The following ATP7A variants were observed in gnomAD, a reference collection of about 807,000 sequenced individuals.
The protein encoded by ATP7A is copper-transporting ATPase 1.
ATP7A carries 7 observed loss-of-function variants against 83.5 expected under a neutral mutation model. The observed-to-expected ratio is 0.08, with a 90% confidence interval of 0.05 to 0.16. The LOEUF is 0.16. Among genes scored for constraint, ATP7A ranks in the 10% least tolerant of loss-of-function variants. The pLI, the probability that ATP7A is intolerant of heterozygous loss-of-function variation, is 1.00. For synonymous variants in ATP7A, 354 were observed against 395.2 expected, an observed-to-expected ratio of 0.90 and a Z score of 1.24; for missense variants, 940 against 1,120.8, an observed-to-expected ratio of 0.84 and a Z score of 2.30.
At chrX:77,956,662 T>A (rs2077442248) in intron 1 of ATP7A, among the ~76,000 whole-genome samples, 1 of 111,842 alleles carries the variant, frequency 8.9e-6, no homozygotes. Context: ...ACTGACACCA[T>A]ACTTGTACAG....
chrX:77,995,567 CAAA>C (rs1232051931), intron 4 of ATP7A, among the ~76,000 whole-genome samples: 1 of 35,019 alleles, frequency 2.9e-5, no homozygotes, highest in African/African-American at 1.2e-4. Flanking sequence ...GACTCCATCT[CAAA>C]AAAAAAAAAA....
At chrX:77,996,996 T>C (rs1386022351) in intron 4 of ATP7A, among the ~76,000 whole-genome samples, 2 of 111,311 alleles carry the variant, frequency 1.8e-5, no homozygotes, top group Admixed American at 1.9e-4. Flanking sequence ...TAAATAAAGT[T>C]CTCACAATCT....
intron 2 of ATP7A, among the ~76,000 whole-genome samples, chrX:77,985,704 T>A (rs1469336985): frequency 1.8e-5 from 2 of 111,165 alleles, no homozygotes; most frequent in African/African-American, 3.3e-5. Flanking sequence ...GGGTATATAG[T>A]TCTATGAAAT....
intron 15 of ATP7A, among the ~76,000 whole-genome samples, chrX:78,030,378 C>T (rs1265954077): frequency 1.9e-5 from 2 of 107,962 alleles, no homozygotes; most frequent in Non-Finnish European, 3.8e-5. Context: ...GCTGGGATCG[C>T]GCCACTGCAC....
intron 7 of ATP7A, among the ~76,000 whole-genome samples, chrX:78,009,715 T>C (rs1175824212): frequency 8.9e-6 from 1 of 112,049 alleles, no homozygotes; most frequent in African/African-American, 3.2e-5. Context: ...CTCAGCATTT[T>C]GAGAGGCCTA....
At chrX:77,921,587 C>T (rs1569548710) in intron 1 of ATP7A, among the ~76,000 whole-genome samples, 1 of 112,034 alleles carries the variant, frequency 8.9e-6, no homozygotes, top group African/African-American at 3.2e-5. Flanking sequence ...CATCAGGTTG[C>T]TGTGAACATT....
chrX:78,011,387 G>C, intron 8 of ATP7A, 62 bp from the exon 9 acceptor site: 1 of 1,078,440 alleles, frequency 9.3e-7, no homozygotes, highest in Non-Finnish European at 1.3e-6. Flanking sequence ...GTAGTATGTA[G>C]AATCTTTACC....
At chrX:78,011,858 C>G (rs1219696969) in intron 9 of ATP7A, 184 bp downstream of exon 9, 8 of 519,484 alleles carry the variant, frequency 1.5e-5, no homozygotes, top group Non-Finnish European at 2.7e-5. Context: ...GCCATTTAAC[C>G]CCTAAGAAAG....
chrX:78,007,284 A>T, intron 6 of ATP7A, among the ~76,000 whole-genome samples: 1 of 110,961 alleles, frequency 9.0e-6, no homozygotes, highest in East Asian at 2.8e-4. Context: ...TCTTGTGCTT[A>T]TTGGCCTTTC....
intron 2 of ATP7A, among the ~76,000 whole-genome samples, chrX:77,976,387 A>G (rs907180415): frequency 8.9e-6 from 1 of 112,338 alleles, no homozygotes; most frequent in Non-Finnish European, 1.9e-5. Context: ...CTTTAGTGAA[A>G]TACAGAATTT....
intron 20 of ATP7A, 64 bp downstream of exon 20, chrX:78,042,852 A>T (rs1309535547): frequency 1.6e-5 from 17 of 1,080,118 alleles, no homozygotes; most frequent in Non-Finnish European, 2.2e-5. Context: ...TGATAATGTC[A>T]TAAAGTATAT....
Position 78,049,486 on chromosome X carries a change from T to C in ATP7A, c.*2916T>C, listed in dbSNP as rs1249527208. On this transcript the variant is annotated 3_prime_UTR_variant, in exon 23 of 23. Coordinates refer to ENST00000341514, the MANE Select transcript of ATP7A (RefSeq NM_000052.7). The stretch of plus-strand genomic sequence containing the variant: ...GGTTCAGACTCACCTATGTGGCACC[T>C]TAAACTTAAATATCCAAAGATGCCT... 2 of 112,617 alleles carry C rather than the reference T, an allele frequency of 1.8e-5. No individual in the cohort carries two copies. The highest frequency in any genetic ancestry group is 3.8e-5 in the Non-Finnish European group (2 of 53,231). The allele number at this position is 112,617 out of a possible 1,213,427, so 9.3% of individuals were successfully genotyped here.
chrX:78,012,768 T>C (rs782247661), intron 9 of ATP7A, 111 bp from the exon 10 acceptor site: 1 of 668,485 alleles, frequency 1.5e-6, no homozygotes, highest in Non-Finnish European at 2.4e-6. Flanking sequence ...TTAGTGTTTA[T>C]GGATTAGCTA....
At chrX:77,969,012 G>A in intron 1 of ATP7A, 1 of 1,211,416 alleles carries the variant, frequency 8.3e-7, no homozygotes. Flanking sequence ...CAGTCGGCAG[G>A]TTCAGCTCCA....
Position 78,047,174 on chromosome X carries a change from GTCT to G in ATP7A, c.*609_*611del, listed in dbSNP as rs1465335202. ...GGTGCTTTTTTAGATGCTCCAATATGTCTTCTTTTGTTATTTTCTTTCGAGCTA... is the reference window on the plus strand; with the variant it reads ...GGTGCTTTTTTAGATGCTCCAATATGTCTTTTGTTATTTTCTTTCGAGCTA... On this transcript the variant is annotated 3_prime_UTR_variant, in exon 23 of 23. Coordinates refer to ENST00000341514, the MANE Select transcript of ATP7A (RefSeq NM_000052.7). 8.9e-6 allele frequency: 1 copy of G among 111,993 alleles called. No individual in the cohort carries two copies. Among genetic ancestry groups the G allele is most frequent in the African/African-American group, 3.3e-5 (1 of 30,684 alleles). The allele number at this position is 111,993 out of a possible 1,213,427, so 9.2% of individuals were successfully genotyped here. A position where few individuals can be genotyped will look rare whatever the true frequency, so the allele number is the denominator to read the frequency against.
At chrX:77,944,034 T>G (rs782727025) in intron 1 of ATP7A, among the ~76,000 whole-genome samples, 1 of 112,379 alleles carries the variant, frequency 8.9e-6, no homozygotes, top group Non-Finnish European at 1.9e-5. Context: ...TGATTTACAC[T>G]TCATTAACAG....
chrX:78,006,049 C>T lies in ATP7A; in HGVS notation c.1707+2813C>T, dbSNP rs191038585. ...ACATGAAAAGATGTTCAACTTCATT[C>T]GTAATGAGTAAAGCAAATTAAAATG... On this transcript the variant is annotated intron_variant, in intron 6 of 22. Coordinates refer to ENST00000341514, the MANE Select transcript of ATP7A (RefSeq NM_000052.7). Among the ~76,000 whole-genome samples the T allele has an allele frequency of 4.0e-3, 449 of 111,892 alleles. 2 individuals are homozygous for T. Among genetic ancestry groups the T allele is most frequent in the South Asian group, 0.019 (52 of 2,691 alleles).
intron 1 of ATP7A, among the ~76,000 whole-genome samples, chrX:77,957,469 A>G (rs1198019247): frequency 1.8e-5 from 2 of 109,376 alleles, no homozygotes; most frequent in Non-Finnish European, 3.8e-5. Flanking sequence ...TAACCTGACT[A>G]AAAAATGACC....
chrX:77,922,318 A>G (rs2077220522), intron 1 of ATP7A, among the ~76,000 whole-genome samples: 1 of 110,569 alleles, frequency 9.0e-6, no homozygotes, highest in African/African-American at 3.3e-5. Context: ...CAGCCTGGGC[A>G]ATATAGGGAG....
Sources: allele counts gnomAD v4.1 joint callset (sites outside exome capture counted in the v4.1 genomes callset), GRCh38; gene constraint gnomAD v4.1.1; transcripts MANE v1.5; gene names NCBI Gene and HGNC (gene_info 2026-07-23, HGNC 2026-07-21).